Variants in AP2B1 observed in about 807,000 individuals in gnomAD.
AP2B1 encodes adaptor related protein complex 2 subunit beta 1, also known as AP-2 complex subunit beta.
A neutral mutation model predicts 102.0 loss-of-function variants in AP2B1; 23 were observed. The observed-to-expected ratio is 0.23, with a 90% confidence interval of 0.16 to 0.32. The LOEUF is 0.32. AP2B1 is among the 10% of genes least tolerant of loss of function. AP2B1 has a pLI of 1.00. For missense variants in AP2B1, 541 were observed against 1,157.4 expected, an observed-to-expected ratio of 0.47 and a Z score of 7.73; for synonymous variants, 381 against 421.2, an observed-to-expected ratio of 0.90 and a Z score of 1.17.
At chr17:35,709,565 G>A (rs2076407449) in intron 19 of AP2B1, among the ~76,000 whole-genome samples, 1 of 152,094 alleles carries the variant, frequency 6.6e-6, no homozygotes, top group Non-Finnish European at 1.5e-5. Context: ...AGAGGTTTGG[G>A]GACCAGGTAA....
intron 9 of AP2B1, among the ~76,000 whole-genome samples, chr17:35,629,637 T>C (rs905911688): frequency 6.6e-6 from 1 of 152,240 alleles, no homozygotes; most frequent in Non-Finnish European, 1.5e-5. Context: ...ATGTATACCA[T>C]GCATACAGTA....
intron 3 of AP2B1, among the ~76,000 whole-genome samples, chr17:35,604,286 A>G (rs1450420833): frequency 1.3e-5 from 2 of 151,768 alleles, no homozygotes; most frequent in East Asian, 3.9e-4. Flanking sequence ...TTTTAAAATT[A>G]TTTATAGAGA....
chr17:35,695,511 C>G (rs78474510), intron 18 of AP2B1, among the ~76,000 whole-genome samples: 1,529 of 152,088 alleles, frequency 0.01, 19 homozygotes, highest in African/African-American at 0.035. Flanking sequence ...TCTTGCTATA[C>G]CACTGGCCTG....
At chr17:35,720,562 TATATATATA>T (rs2085338970) in intron 21 of AP2B1, among the ~76,000 whole-genome samples, 1 of 53,992 alleles carries the variant, frequency 1.9e-5, no homozygotes, top group African/African-American at 7.1e-5. Flanking sequence ...TATATATATA[TATATATATA>T]TATTTTTTTT....
intron 17 of AP2B1, among the ~76,000 whole-genome samples, chr17:35,675,832 A>G: frequency 6.6e-6 from 1 of 151,736 alleles, no homozygotes; most frequent in East Asian, 1.9e-4. Flanking sequence ...TCTAATCGTT[A>G]AAAAAAATCA....
chr17:35,589,207 C>G (rs2142263157), intron 1 of AP2B1, among the ~76,000 whole-genome samples: 1 of 152,274 alleles, frequency 6.6e-6, no homozygotes, highest in South Asian at 2.1e-4. Context: ...CCTGATGATG[C>G]TATTGTCTTT....
chr17:35,665,710 T>G lies in AP2B1; in HGVS notation c.1990-5147T>G, dbSNP rs16971265. ...CTTAGATTCCCTTCAATTCAGTAAG[T>G]TCTAGAAAACAGTAAATAAAAGAGA... On this transcript the variant is annotated intron_variant, in intron 14 of 21. Coordinates refer to ENST00000610402, the MANE Select transcript of AP2B1 (RefSeq NM_001030006.2). 8.7e-4 allele frequency among the ~76,000 whole-genome samples: 132 copies of G among 152,332 alleles called. 3 individuals are homozygous for G. The South Asian group carries it at 8.7e-3, about 10-fold the overall frequency.
chr17:35,677,289 C>T (rs1435864505), intron 17 of AP2B1, among the ~76,000 whole-genome samples: 2 of 152,150 alleles, frequency 1.3e-5, no homozygotes, highest in Admixed American at 6.5e-5. Flanking sequence ...TGCACCCAGT[C>T]GAAAGTTTTC....
intron 10 of AP2B1, 133 bp from the exon 11 acceptor site, chr17:35,639,462 C>T: frequency 1.5e-6 from 1 of 656,650 alleles, no homozygotes; most frequent in Non-Finnish European, 2.5e-6. Context: ...CCTATTCATT[C>T]TCTTGACTAA....
chr17:35,688,704 G>A (rs978054771), intron 18 of AP2B1, among the ~76,000 whole-genome samples: 31 of 152,046 alleles, frequency 2.0e-4, no homozygotes, highest in African/African-American at 2.4e-5. Flanking sequence ...TGGCTCACAC[G>A]TGTAACTCCA....
intron 12 of AP2B1, among the ~76,000 whole-genome samples, chr17:35,643,413 C>T (rs906108745): frequency 2.4e-4 from 37 of 152,156 alleles, no homozygotes; most frequent in Non-Finnish European, 2.9e-4. Context: ...CCTCTGTTTT[C>T]ACAAGTTCTC....
At chr17:35,598,892 G>A (rs2073382467) in intron 3 of AP2B1, among the ~76,000 whole-genome samples, 1 of 152,218 alleles carries the variant, frequency 6.6e-6, no homozygotes, top group South Asian at 2.1e-4. Flanking sequence ...GGTCAAAGCT[G>A]TTTTCATAAT....
At chr17:35,611,177 G>A (rs921803839) in intron 5 of AP2B1, among the ~76,000 whole-genome samples, 1 of 152,190 alleles carries the variant, frequency 6.6e-6, no homozygotes, top group Admixed American at 6.5e-5. Context: ...TTGATTCACT[G>A]TTATTCTGAG....
rs929542418 is a variant in AP2B1 at position 35,716,235 on chromosome 17, G to A, written c.2627-960G>A. Among the ~76,000 whole-genome samples the A allele has an allele frequency of 2.6e-5, 4 of 152,208 alleles. No homozygotes were observed. In the East Asian group the frequency reaches 7.7e-4, roughly 29 times the overall value. ...AGTAGGCATGAGTAATTTGAATGCT[G>A]TCTTCAGAAATGAATATAATAAACA... On this transcript the variant is annotated intron_variant, in intron 20 of 21. Coordinates refer to ENST00000610402, the MANE Select transcript of AP2B1 (RefSeq NM_001030006.2).
At chr17:35,603,676 G>A (rs1374228188) in intron 3 of AP2B1, among the ~76,000 whole-genome samples, 5 of 152,168 alleles carry the variant, frequency 3.3e-5, no homozygotes, top group African/African-American at 1.2e-4. Context: ...AGGAAAGTAT[G>A]GAAAATACCA....
intron 14 of AP2B1, among the ~76,000 whole-genome samples, chr17:35,664,351 T>C (rs1010377321): frequency 6.6e-6 from 1 of 152,136 alleles, no homozygotes; most frequent in Admixed American, 6.5e-5. Context: ...ACTCCTGAGC[T>C]CAAGTGATCC....
chr17:35,647,460 C>G (rs1426185594), intron 12 of AP2B1, among the ~76,000 whole-genome samples: 1 of 151,454 alleles, frequency 6.6e-6, no homozygotes, highest in Non-Finnish European at 1.5e-5. Context: ...TTTTTTTAAC[C>G]CGGGCATTTC....
intron 4 of AP2B1, among the ~76,000 whole-genome samples, chr17:35,606,538 C>T (rs1024703075): frequency 1.3e-5 from 2 of 151,912 alleles, no homozygotes; most frequent in Non-Finnish European, 2.9e-5. Flanking sequence ...CCACTCCCGG[C>T]GTGATTAATT....
chr17:35,660,474 T>A lies in AP2B1; in HGVS notation c.1989+2683T>A, dbSNP rs1255902732. ...AGATGCTCAGATACCTTTTTCTTTTTCTCTCTCTTTTTTTTTTTTTTTTTT... is the reference window on the plus strand; with the variant it reads ...AGATGCTCAGATACCTTTTTCTTTTACTCTCTCTTTTTTTTTTTTTTTTTT... On this transcript the variant is annotated intron_variant, in intron 14 of 21. Coordinates refer to ENST00000610402, the MANE Select transcript of AP2B1 (RefSeq NM_001030006.2). Among the ~76,000 whole-genome samples the A allele has an allele frequency of 2.0e-5, 3 of 146,746 alleles. No individual in the cohort carries two copies. The Admixed American group carries it at 2.0e-4, about 10-fold the overall frequency.
Sources: gnomAD v4.1 joint callset for allele counts (sites outside exome capture counted in the v4.1 genomes callset) on GRCh38, gnomAD v4.1.1 for gene constraint, MANE v1.5 for transcripts, NCBI Gene and HGNC (gene_info 2026-07-23, HGNC 2026-07-21) for gene names.